CAMTA1: variants seen among roughly 807,000 people sequenced by gnomAD.
CAMTA1 encodes the protein calmodulin-binding transcription activator 1.
Under a neutral mutation model 170.9 loss-of-function variants are expected in CAMTA1, and 27 were observed. The observed-to-expected ratio is 0.16, with a 90% CI of 0.12 to 0.22. The LOEUF (loss-of-function observed/expected upper bound fraction) is 0.22, where lower values mean the gene tolerates loss of function less well. Ranked by LOEUF, CAMTA1 falls within the 10% of genes least tolerant of loss-of-function variation. CAMTA1 has a pLI of 1.00. For missense variants in CAMTA1, 1,619 were observed against 2,217.2 expected, an observed-to-expected ratio of 0.73 and a Z score of 5.42; for synonymous variants, 833 against 891.5, an observed-to-expected ratio of 0.93 and a Z score of 1.17.
At chr1:6,962,677 C>T (rs1217415321) in intron 3 of CAMTA1, among the ~76,000 whole-genome samples, 4 of 149,848 alleles carry the variant, frequency 2.7e-5, no homozygotes, top group African/African-American at 7.4e-5. Flanking sequence ...GTTCCACCCA[C>T]CCACGTGGCC....
chr1:7,679,719 C>T (rs906824309), intron 11 of CAMTA1, among the ~76,000 whole-genome samples: 3 of 152,240 alleles, frequency 2.0e-5, no homozygotes, highest in African/African-American at 7.2e-5. Context: ...AGCATCGCCT[C>T]TGTTACCACC....
At chr1:7,294,511 A>G (rs182586686) in intron 5 of CAMTA1, among the ~76,000 whole-genome samples, 38 of 152,288 alleles carry the variant, frequency 2.5e-4, no homozygotes, top group Non-Finnish European at 5.0e-4. Flanking sequence ...CTGCTTGCTC[A>G]TATTCCTCGG....
chr1:7,026,186 T>C (rs1286022993), intron 3 of CAMTA1, among the ~76,000 whole-genome samples: 1 of 146,122 alleles, frequency 6.8e-6, no homozygotes. Context: ...AAGGTGGAAG[T>C]GAGATGTTTA....
intron 5 of CAMTA1, chr1:7,368,861 G>T (rs2086219782): frequency 6.6e-6 from 1 of 152,278 alleles, no homozygotes; most frequent in African/African-American, 2.4e-5. Context: ...ACAGAGCCTG[G>T]GCTGTCCTGC....
chr1:7,108,498 G>A (rs1228455396), intron 4 of CAMTA1, among the ~76,000 whole-genome samples: 1 of 152,120 alleles, frequency 6.6e-6, no homozygotes, highest in Non-Finnish European at 1.5e-5. Flanking sequence ...GCAGAAGGAC[G>A]GCCTGAACTC....
intron 3 of CAMTA1, among the ~76,000 whole-genome samples, chr1:6,857,998 G>T (rs192805740): frequency 2.5e-4 from 38 of 152,270 alleles, no homozygotes; most frequent in Admixed American, 2.4e-3. Context: ...AGTTTAGAAT[G>T]GTGCCTGGCA....
intron 4 of CAMTA1, among the ~76,000 whole-genome samples, chr1:7,106,058 T>A (rs1050625659): frequency 1.3e-5 from 2 of 152,236 alleles, no homozygotes; most frequent in Non-Finnish European, 2.9e-5. Context: ...TTTCTAGTTA[T>A]CTTATTTCTT....
chr1:7,207,296 G>A (rs904690402), intron 4 of CAMTA1, among the ~76,000 whole-genome samples: 1 of 152,142 alleles, frequency 6.6e-6, no homozygotes, highest in Non-Finnish European at 1.5e-5. Flanking sequence ...AGGTGATATC[G>A]CTGGATAACA....
At chr1:7,365,780 G>A (rs927169408) in intron 5 of CAMTA1, among the ~76,000 whole-genome samples, 1 of 152,200 alleles carries the variant, frequency 6.6e-6, no homozygotes, top group African/African-American at 2.4e-5. Context: ...TGGGGCATAG[G>A]GTCCAAGATA....
intron 3 of CAMTA1, among the ~76,000 whole-genome samples, chr1:6,974,096 T>G (rs1399691605): frequency 6.6e-6 from 1 of 152,188 alleles, no homozygotes; most frequent in Non-Finnish European, 1.5e-5. Context: ...TGGAGCTTAC[T>G]GGGGGCCCAC....
chr1:6,956,272 C>T (rs545882585), intron 3 of CAMTA1, among the ~76,000 whole-genome samples: 1 of 152,254 alleles, frequency 6.6e-6, no homozygotes, highest in African/African-American at 2.4e-5. Context: ...TTCCCCCTTC[C>T]CTCCAGGTGA....
intron 4 of CAMTA1, among the ~76,000 whole-genome samples, chr1:7,189,061 A>G (rs1400611354): frequency 6.6e-6 from 1 of 152,208 alleles, no homozygotes; most frequent in Non-Finnish European, 1.5e-5. Flanking sequence ...GTCAACAGGT[A>G]ATATACAAAG....
chr1:7,679,112 C>G (rs1163422560), intron 11 of CAMTA1, among the ~76,000 whole-genome samples: 2 of 152,206 alleles, frequency 1.3e-5, no homozygotes, highest in East Asian at 1.9e-4. Context: ...GAGGCCGGAG[C>G]CAGGCAGAGC....
chr1:7,387,254 C>T (rs879369015), intron 5 of CAMTA1, among the ~76,000 whole-genome samples: 3 of 152,106 alleles, frequency 2.0e-5, no homozygotes, highest in Non-Finnish European at 2.9e-5. Flanking sequence ...TCCTCCCATC[C>T]ACCAAACACC....
rs570633090 is a variant in CAMTA1, at chr1:6,934,559, G to A, written c.234+109349G>A. On this transcript the variant is annotated intron_variant, in intron 3 of 22. Coordinates refer to ENST00000303635, the MANE Select transcript of CAMTA1 (RefSeq NM_015215.4). The surrounding 1 kb of genome is among the most constrained non-coding windows in gnomAD (Gnocchi z 4.5). ...CTGTGGACCCGCTTGGGCTAGCTGC[G>A]TGTCTCTGTGTGTTGCTGGCTGTGA... 7.2e-5 allele frequency among the ~76,000 whole-genome samples: 11 copies of A among 152,326 alleles called. No homozygotes were observed. Among genetic ancestry groups the A allele is most frequent in the African/African-American group, 1.2e-4 (5 of 41,576 alleles).
At chr1:7,171,673 G>A (rs922349405) in intron 4 of CAMTA1, among the ~76,000 whole-genome samples, 3 of 152,130 alleles carry the variant, frequency 2.0e-5, no homozygotes, top group African/African-American at 7.2e-5. Context: ...CATTTAGCAC[G>A]TCCACGATGT....
chr1:7,763,530 T>A (rs963621613), intron 22 of CAMTA1, among the ~76,000 whole-genome samples: 6 of 152,252 alleles, frequency 3.9e-5, no homozygotes, highest in Non-Finnish European at 8.8e-5. Flanking sequence ...GAGTATTTAC[T>A]TGACAACTTT....
intron 21 of CAMTA1, among the ~76,000 whole-genome samples, chr1:7,754,568 T>C (rs1432344274): frequency 6.6e-6 from 1 of 152,190 alleles, no homozygotes; most frequent in African/African-American, 2.4e-5. Flanking sequence ...TTCACTTTTG[T>C]TTTTAGAGTT....
At chr1:7,290,534 GT>G (rs1160636733) in intron 5 of CAMTA1, among the ~76,000 whole-genome samples, 1 of 152,132 alleles carries the variant, frequency 6.6e-6, no homozygotes, top group East Asian at 1.9e-4. Flanking sequence ...CTGGGTCTCT[GT>G]TGGGCCATTT....
Sources: allele counts gnomAD v4.1 joint callset (sites outside exome capture counted in the v4.1 genomes callset), GRCh38; gene constraint gnomAD v4.1.1; non-coding constraint Gnocchi (gnomAD v3.1); transcripts MANE v1.5; gene names NCBI Gene and HGNC (gene_info 2026-07-23, HGNC 2026-07-21).